The following SLC2A8 variants were observed in gnomAD, a reference collection of about 807,000 sequenced individuals.
The protein encoded by SLC2A8 is solute carrier family 2 member 8, also known as solute carrier family 2, facilitated glucose transporter member 8.
In SLC2A8, 53 loss-of-function variants were observed where a neutral mutation model predicts 49.2. The observed-to-expected ratio is 1.08, with a 90% CI of 0.86 to 1.35. The LOEUF is 1.35. Among genes scored for constraint, SLC2A8 ranks in the 40% most tolerant of loss-of-function variants. The pLI, the probability that SLC2A8 is intolerant of heterozygous loss-of-function variation, is 0.00. For synonymous variants in SLC2A8, 299 were observed against 297.0 expected (o/e 1.01, Z -0.07); for missense variants, 688 against 671.7 (o/e 1.02, Z -0.27).
intron 4 of SLC2A8, among the ~76,000 whole-genome samples, chr9:127,401,827 T>G (rs1417064009): frequency 6.6e-6 from 1 of 152,152 alleles, no homozygotes; most frequent in African/African-American, 2.4e-5. Context: ...ATGGCTACCT[T>G]AGAGGTATTT....
rs1564218197 is a variant in SLC2A8, at chr9:127,403,973, C to T, written c.882C>T (p.Ala294=). 9 of 1,610,988 alleles carry T rather than the reference C, an allele frequency of 5.6e-6. 1 individual carries two copies. The highest frequency in any genetic ancestry group is 1.7e-4 in the Middle Eastern group (1 of 6,052). ...GTCTCCCCCAGGACAGCAGCCTGGC[C>T]TCGGTCGTCGTGGGTGTCATCCAGG... ...EEAKFKDSSL[A]SVVVGVIQVL... The change falls in exon 7 of 10, where the codon GCC becomes GCT. Residue 294 remains alanine, a synonymous_variant. Coordinates refer to ENST00000373371, the MANE Select transcript of SLC2A8 (RefSeq NM_014580.5).
chr9:127,402,846 G>T, intron 5 of SLC2A8, 93 bp downstream of exon 5: 3 of 1,400,240 alleles, frequency 2.1e-6, no homozygotes, highest in Non-Finnish European at 2.8e-6. Flanking sequence ...TTGGGGGGTG[G>T]GGGACAGGGA....
intron 7 of SLC2A8, 107 bp from the exon 8 acceptor site, chr9:127,404,711 C>A (rs1426522321): frequency 7.8e-6 from 10 of 1,289,104 alleles, no homozygotes; most frequent in Non-Finnish European, 8.4e-6. Context: ...CCAAGCTGGC[C>A]GTTCTCTGGG....
intron 4 of SLC2A8, among the ~76,000 whole-genome samples, chr9:127,401,517 G>A (rs1042509351): frequency 3.0e-4 from 45 of 152,350 alleles, no homozygotes; most frequent in Middle Eastern, 3.4e-3. Context: ...GGAGACCTGA[G>A]TAAACCAAAG....
Position 127,401,467 on chromosome 9 carries a change from C to G in SLC2A8, c.527-1090C>G, listed in dbSNP as rs572894160. The stretch of plus-strand genomic sequence containing the variant: ...TTTCATTTTTACCCACTTAACCACC[C>G]TAACAAATTCAGAATCCTGCCAGCG... On this transcript the variant is annotated intron_variant, in intron 4 of 9. Transcript: ENST00000373371. Among the ~76,000 whole-genome samples, 3 of 152,350 alleles carry G rather than the reference C, an allele frequency of 2.0e-5. No individual in the cohort carries two copies. The East Asian group carries it at 5.8e-4, about 29-fold the overall frequency.
In SLC2A8 at chr9:127,403,745, CG is replaced by C. The variant is rs976159568; in HGVS notation, c.814del (p.Val272SerfsTer71). 3 of 1,613,216 alleles carry C rather than the reference CG, an allele frequency of 1.9e-6. No individual in the cohort carries two copies. The highest frequency in any genetic ancestry group is 2.5e-6 in the Non-Finnish European group (3 of 1,179,970). On this transcript the variant is annotated frameshift_variant, in exon 6 of 10. Coordinates refer to ENST00000373371, the MANE Select transcript of SLC2A8 (RefSeq NM_014580.5). LOFTEE classifies it high-confidence loss of function. ...TCCCTGATGGCCTTCCAGCAGCTGT[CG>C]GGGGTCAACGCCGTCATGTTCTATG... ...GVSLMAFQQL[S>X]GVNAVMFYAE... is the part of the protein sequence containing the mutation.
In SLC2A8 at chr9:127,399,817, G is replaced by T; in HGVS notation, c.427-90G>T. ...GCCAGTCTCAAACTCCCAACCTCTG[G>T]TGATCTGCCCGCCTCGGCCTCCCAG... is the stretch of plus-strand genomic sequence containing the variant. On this transcript the variant is annotated intron_variant, in intron 3 of 9. Transcript: ENST00000373371. This position sits in a 1 kb window ranked among gnomAD's most constrained non-coding sequence, Gnocchi z 4.2. The T allele has an allele frequency of 9.4e-7, 1 of 1,066,844 alleles. No homozygotes were observed. The highest frequency in any genetic ancestry group is 1.3e-5 in the South Asian group (1 of 75,416). The allele number at this position is 1,066,844 out of a possible 1,614,324, so 66.1% of individuals were successfully genotyped here. A position where few individuals can be genotyped will look rare whatever the true frequency, so the allele number is the denominator to read the frequency against.
chr9:127,403,871 G>A, intron 6 of SLC2A8, 68 bp downstream of exon 6: 1 of 1,601,812 alleles, frequency 6.2e-7, no homozygotes, highest in Non-Finnish European at 8.5e-7. Flanking sequence ...CCCAAGCCCA[G>A]GGCCCAGCCA....
At chr9:127,404,216 GCACT>G in intron 7 of SLC2A8, 149 bp downstream of exon 7, 1 of 612,300 alleles carries the variant, frequency 1.6e-6, no homozygotes. Flanking sequence ...TTGTCACCAA[GCACT>G]CACTGCAGGC....
In SLC2A8 at chr9:127,405,707, G is replaced by A. The variant is rs909043851; in HGVS notation, c.1296+142G>A. ...CATGCCTGGGCCACTGGCCATCTTG[G>A]GCAAGGCGACGTGGAGGCAGATGGG... On this transcript the variant is annotated intron_variant, in intron 9 of 9. Transcript: ENST00000373371. 8.3e-6 allele frequency: 10 copies of A among 1,199,328 alleles called. No homozygotes were observed. In the Admixed American group the frequency reaches 1.1e-4, roughly 13 times the overall value. 74.3% of individuals were successfully genotyped at this position (1,199,328 alleles called of 1,614,324 possible). A position where few individuals can be genotyped will look rare whatever the true frequency, so the allele number is the denominator to read the frequency against.
chr9:127,403,046 G>A (rs998996557), intron 5 of SLC2A8, among the ~76,000 whole-genome samples: 3 of 152,244 alleles, frequency 2.0e-5, no homozygotes, highest in Non-Finnish European at 2.9e-5. Flanking sequence ...AGGCAGAGCT[G>A]AGGACTTGGA....
At position 127,398,018 on chromosome 9, in the gene SLC2A8, T is replaced by A. The variant is rs1451461740; in HGVS notation, c.333T>A (p.Phe111Leu). 6.4e-7 allele frequency: 1 copy of A among 1,574,366 alleles called. No individual in the cohort carries two copies. Among genetic ancestry groups the A allele is most frequent in the East Asian group, 2.3e-5 (1 of 43,084 alleles). Reference protein sequence around the residue: ...LLCSVPFVAGFAVITAAQDVW... With the variant: ...LLCSVPFVAGLAVITAAQDVW... ...GCTCCGTGCCCTTCGTGGCCGGCTT[T>A]GCCGTCATCACCGCGGCCCAGGACG... is the stretch of plus-strand genomic sequence containing the variant. The change falls in exon 3 of 10, where the codon TTT (phenylalanine) becomes TTA (leucine). Residue 111 changes from phenylalanine to leucine, a missense_variant. Transcript: ENST00000373371.
chr9:127,400,719 G>A (rs1833253068), intron 4 of SLC2A8, among the ~76,000 whole-genome samples: 1 of 152,162 alleles, frequency 6.6e-6, no homozygotes, highest in Non-Finnish European at 1.5e-5. Flanking sequence ...GAAGGAGGCC[G>A]GGGTCCTGGG....
chr9:127,397,513 A>G lies in SLC2A8; in HGVS notation c.194A>G (p.Asp65Gly), dbSNP rs2131869443. ...QRAAPPAPRL[D>G]DAAASWFGAV... ...GCCGCGCCCCCGGCCCCGCGCCTGG[A>G]CGACGCCGCCGCCTCCTGGTTCGGG... The change falls in exon 2 of 10, where the codon GAC becomes GGC. Residue 65 changes from aspartate (D) to glycine (G), a missense_variant. Coordinates refer to ENST00000373371, the MANE Select transcript of SLC2A8 (RefSeq NM_014580.5). 1.4e-6 allele frequency: 2 copies of G among 1,432,324 alleles called. No individual in the cohort carries two copies. Among genetic ancestry groups the G allele is most frequent in the Non-Finnish European group, 1.8e-6 (2 of 1,103,910 alleles). 88.7% of individuals were successfully genotyped at this position (1,432,324 alleles called of 1,614,324 possible). A position where few individuals can be genotyped will look rare whatever the true frequency, so the allele number is the denominator to read the frequency against.
chr9:127,405,326 C>A, intron 8 of SLC2A8, 94 bp from the exon 9 acceptor site: 3 of 1,447,736 alleles, frequency 2.1e-6, no homozygotes, highest in Non-Finnish European at 2.8e-6. Context: ...CACAGCCCCA[C>A]AGGCTGGGAA....
In SLC2A8 at chr9:127,399,829, C is replaced by T; in HGVS notation, c.427-78C>T. 1 of 1,257,900 alleles carries T rather than the reference C, an allele frequency of 7.9e-7. No individual in the cohort carries two copies. The highest frequency in any genetic ancestry group is 1.2e-5 in the South Asian group (1 of 81,804). 77.9% of individuals were successfully genotyped at this position (1,257,900 alleles called of 1,614,324 possible). A position where few individuals can be genotyped will look rare whatever the true frequency, so the allele number is the denominator to read the frequency against. On this transcript the variant is annotated intron_variant, in intron 3 of 9. Coordinates refer to ENST00000373371, the MANE Select transcript of SLC2A8 (RefSeq NM_014580.5). The surrounding 1 kb of genome is among the most constrained non-coding windows in gnomAD (Gnocchi z 4.2). Reference sequence around the variant, plus strand: ...CTCCCAACCTCTGGTGATCTGCCCGCCTCGGCCTCCCAGAGTGCTGGGATT... The same window carrying T: ...CTCCCAACCTCTGGTGATCTGCCCGTCTCGGCCTCCCAGAGTGCTGGGATT...
At chr9:127,404,773 G>T in intron 7 of SLC2A8, 45 bp from the exon 8 acceptor site, 1 of 1,586,686 alleles carries the variant, frequency 6.3e-7, no homozygotes. Flanking sequence ...TGCGCCCTGG[G>T]CCGTTCCCCG....
rs1404450067 is a variant in SLC2A8 at position 127,397,282 on chromosome 9, G to A, written c.52G>A (p.Gly18Ser). Residue 18 changes from glycine (G) to serine (S), a missense_variant, in exon 1 of 10, where the codon GGC becomes AGC. Physicochemically the swap from Gly to Ser is moderately conservative, Grantham distance 56. Coordinates refer to ENST00000373371, the MANE Select transcript of SLC2A8 (RefSeq NM_014580.5). ...CCAGCCGCTTCTGGGGCCTCCTGGC[G>A]GCAGGTGAGCTCCGGGGAACCCGGG... The part of the protein sequence containing the change: ...ETQPLLGPPG[G>S]SAPRGRRVFL... The A allele has an allele frequency of 2.2e-6, 3 of 1,395,054 alleles. No homozygotes were observed. Among genetic ancestry groups the A allele is most frequent in the South Asian group, 1.6e-5 (1 of 63,126 alleles). 86.4% of individuals were successfully genotyped at this position (1,395,054 alleles called of 1,614,324 possible).
rs532341175 is a variant in SLC2A8 at position 127,398,089 on chromosome 9, G to C, written c.404G>C (p.Gly135Ala). The change falls in exon 3 of 10, where the codon GGT (glycine) becomes GCT (alanine). Residue 135 changes from glycine to alanine, a missense_variant. Gly to Ala is a moderately conservative substitution (Grantham distance 60, BLOSUM62 0). Transcript: ENST00000373371. ...CGCCTCCTCACCGGCCTGGCCTGCG[G>C]TGTTGCCTCCCTAGTGGCCCCGGTG... ...GGRLLTGLAC[G>A]VASLVAPVYI... 1.4e-5 allele frequency: 22 copies of C among 1,583,970 alleles called. No individual in the cohort carries two copies. Among genetic ancestry groups the C allele is most frequent in the Non-Finnish European group, 1.9e-5 (22 of 1,169,542 alleles).
Sources: allele counts gnomAD v4.1 joint callset (sites outside exome capture counted in the v4.1 genomes callset), GRCh38; gene constraint gnomAD v4.1.1; non-coding constraint Gnocchi (gnomAD v3.1); transcripts MANE v1.5; gene names NCBI Gene and HGNC (gene_info 2026-07-23, HGNC 2026-07-21).